Variants in MACROD2 observed in about 807,000 individuals in gnomAD.
MACROD2 encodes ADP-ribose glycohydrolase MACROD2.
Under a neutral mutation model 70.4 loss-of-function variants are expected in MACROD2, and 36 were observed. The ratio of observed to expected loss-of-function variants is 0.51; its 90% CI spans 0.39 to 0.68. The LOEUF is 0.68. Ranked by LOEUF, MACROD2 falls within the 30% of genes least tolerant of loss-of-function variation. MACROD2 has a pLI of 0.00. For synonymous variants in MACROD2, 172 were observed against 178.8 expected (o/e 0.96, Z 0.30); for missense variants, 496 against 538.4 (o/e 0.92, Z 0.78).
At position 14,222,473 on chromosome 20, in the gene MACROD2, T is replaced by C. The variant is rs1049242813; in HGVS notation, c.271+136745T>C. ...ACGTAGAATTTAGAATGATATGCAA[T>C]GGACACTAGGAAGTGTGAGGGGATG... On this transcript the variant is annotated intron_variant, in intron 3 of 17. Transcript: ENST00000684519. Among the ~76,000 whole-genome samples the C allele has an allele frequency of 5.3e-5, 8 of 152,074 alleles. No homozygotes were observed. In the East Asian group the frequency reaches 1.5e-3, roughly 29 times the overall value.
At chr20:14,967,352 C>T (rs939936334) in intron 5 of MACROD2, among the ~76,000 whole-genome samples, 14 of 152,180 alleles carry the variant, frequency 9.2e-5, no homozygotes, top group East Asian at 3.9e-4. Flanking sequence ...TTAGTAGAGA[C>T]GGGGTCTCAC....
At chr20:15,040,847 C>T (rs904619092) in intron 5 of MACROD2, among the ~76,000 whole-genome samples, 4 of 152,164 alleles carry the variant, frequency 2.6e-5, no homozygotes, top group African/African-American at 7.2e-5. Flanking sequence ...TGGCTTTTAA[C>T]ATTCTCATTC....
intron 3 of MACROD2, among the ~76,000 whole-genome samples, chr20:14,268,881 A>G (rs1356809821): frequency 6.6e-6 from 1 of 152,112 alleles, no homozygotes; most frequent in African/African-American, 2.4e-5. Context: ...ACAAGCTATC[A>G]GTTCCCATAG....
intron 15 of MACROD2, among the ~76,000 whole-genome samples, chr20:16,007,480 G>A (rs971800215): frequency 3.3e-5 from 5 of 152,262 alleles, no homozygotes; most frequent in African/African-American, 1.2e-4. Context: ...ATGTGCAGAG[G>A]TCATCTTCTA....
At chr20:15,330,683 G>A (rs2077982503) in intron 6 of MACROD2, among the ~76,000 whole-genome samples, 1 of 151,674 alleles carries the variant, frequency 6.6e-6, no homozygotes, top group Non-Finnish European at 1.5e-5. Flanking sequence ...TTTGGGGTGG[G>A]GTAGTCAATA....
chr20:14,463,199 CTT>C (rs2084393691), intron 3 of MACROD2, among the ~76,000 whole-genome samples: 1 of 152,010 alleles, frequency 6.6e-6, no homozygotes, highest in Non-Finnish European at 1.5e-5. Context: ...TTTATATCCT[CTT>C]TTATTTCATT....
At chr20:15,488,106 G>A (rs535972485) in intron 7 of MACROD2, among the ~76,000 whole-genome samples, 1 of 152,210 alleles carries the variant, frequency 6.6e-6, no homozygotes, top group East Asian at 1.9e-4. Flanking sequence ...TAGGACACAG[G>A]CCTTTGTCAA....
chr20:15,136,630 A>G (rs1281199076), intron 5 of MACROD2, among the ~76,000 whole-genome samples: 6 of 152,036 alleles, frequency 3.9e-5, no homozygotes, highest in African/African-American at 1.4e-4. Flanking sequence ...CCTAGGCATT[A>G]CCATTCAGGA....
At chr20:14,688,591 G>A (rs1171630440) in intron 5 of MACROD2, among the ~76,000 whole-genome samples, 2 of 152,176 alleles carry the variant, frequency 1.3e-5, no homozygotes, top group African/African-American at 2.4e-5. Context: ...AAATGACTTA[G>A]AAAGTAGATG....
At chr20:15,548,521 G>A (rs1345198415) in intron 8 of MACROD2, among the ~76,000 whole-genome samples, 5 of 152,072 alleles carry the variant, frequency 3.3e-5, no homozygotes, top group East Asian at 3.9e-4. Context: ...TCAGCTTCCC[G>A]AGTACCTGGG....
chr20:15,193,268 T>TGG (rs2076583736), intron 5 of MACROD2, among the ~76,000 whole-genome samples: 1 of 152,156 alleles, frequency 6.6e-6, no homozygotes, highest in African/African-American at 2.4e-5. Flanking sequence ...TATATCAAAT[T>TGG]AACTTGGCAG....
chr20:15,951,352 A>ACACACAAAG (rs1414285468), intron 12 of MACROD2, among the ~76,000 whole-genome samples: 3 of 91,950 alleles, frequency 3.3e-5, no homozygotes, highest in Non-Finnish European at 5.2e-5. Context: ...CACACACACA[A>ACACACAAAG]AGAGAGAGAG....
intron 6 of MACROD2, among the ~76,000 whole-genome samples, chr20:15,411,022 T>C (rs1435537996): frequency 2.0e-5 from 3 of 152,202 alleles, no homozygotes; most frequent in Non-Finnish European, 4.4e-5. Flanking sequence ...ATATTTCTAA[T>C]ATATCGTTTG....
chr20:15,188,489 G>T (rs1477013079), intron 5 of MACROD2, among the ~76,000 whole-genome samples: 2 of 152,206 alleles, frequency 1.3e-5, no homozygotes, highest in East Asian at 1.9e-4. Flanking sequence ...TGTGCTAGCA[G>T]TTTCCCTTGA....
At chr20:14,654,519 C>T (rs1985866546) in intron 4 of MACROD2, among the ~76,000 whole-genome samples, 2 of 147,144 alleles carry the variant, frequency 1.4e-5, no homozygotes, top group African/African-American at 5.0e-5. Context: ...GCACTCCACC[C>T]TGGGAGATGG....
intron 5 of MACROD2, among the ~76,000 whole-genome samples, chr20:14,747,697 G>A (rs2071817179): frequency 6.6e-6 from 1 of 152,110 alleles, no homozygotes; most frequent in African/African-American, 2.4e-5. Context: ...AGGAGAGCAT[G>A]GGAGCAGATT....
chr20:14,979,928 A>T (rs903968956), intron 5 of MACROD2, among the ~76,000 whole-genome samples: 1 of 152,164 alleles, frequency 6.6e-6, no homozygotes, highest in African/African-American at 2.4e-5. Flanking sequence ...TAAAATAGGG[A>T]TGATAATACC....
At chr20:15,187,848 T>C (rs1052881421) in intron 5 of MACROD2, among the ~76,000 whole-genome samples, 4 of 152,170 alleles carry the variant, frequency 2.6e-5, no homozygotes, top group Non-Finnish European at 5.9e-5. Flanking sequence ...TTCTCAGAAA[T>C]TGGTTGTTTA....
In MACROD2 at chr20:14,757,999, A is replaced by G. The variant is rs2071964626; in HGVS notation, c.418+73040A>G. 3 of 781,182 alleles carry G rather than the reference A, an allele frequency of 3.8e-6. No homozygotes were observed. In the East Asian group the frequency reaches 7.4e-5, roughly 19 times the overall value. The allele number at this position is 781,182 out of a possible 1,614,324, so 48.4% of individuals were successfully genotyped here. On this transcript the variant is annotated intron_variant, in intron 5 of 17. Coordinates refer to ENST00000684519, the MANE Select transcript of MACROD2 (RefSeq NM_001351661.2). ...AAGCCGAGGCTGGGACTGGGTCAGC[A>G]ACTGAATTCCAGTTTAGAGGCGAAT...
Sources: gnomAD v4.1 joint callset for allele counts (sites outside exome capture counted in the v4.1 genomes callset) on GRCh38, gnomAD v4.1.1 for gene constraint, MANE v1.5 for transcripts, NCBI Gene and HGNC (gene_info 2026-07-23, HGNC 2026-07-21) for gene names.